Variants in MARCHF8 observed in about 807,000 individuals in gnomAD.
MARCHF8 encodes E3 ubiquitin-protein ligase MARCHF8.
A neutral mutation model predicts 51.6 loss-of-function variants in MARCHF8; 40 were observed. The ratio of observed to expected loss-of-function variants is 0.77; its 90% CI spans 0.60 to 1.01. The LOEUF (loss-of-function observed/expected upper bound fraction) is 1.01, where lower values mean the gene tolerates loss of function less well. Among genes scored for constraint, MARCHF8 ranks in the 50% least tolerant of loss-of-function variants. The pLI is 0.00. For synonymous variants in MARCHF8, 263 were observed against 280.3 expected, an observed-to-expected ratio of 0.94 and a Z score of 0.62; for missense variants, 685 against 708.6, an observed-to-expected ratio of 0.97 and a Z score of 0.38.
chr10:45,501,884 A>G (rs2043286687), intron 2 of MARCHF8, among the ~76,000 whole-genome samples: 1 of 152,184 alleles, frequency 6.6e-6, no homozygotes, highest in South Asian at 2.1e-4. Context: ...ACATGAGAAG[A>G]TGTTCAACAT....
chr10:45,528,959 G>GA (rs1394526542), intron 2 of MARCHF8, among the ~76,000 whole-genome samples: 1 of 152,062 alleles, frequency 6.6e-6, no homozygotes, highest in Non-Finnish European at 1.5e-5. Flanking sequence ...CACAATATTA[G>GA]AAAAAACAAT....
intron 1 of MARCHF8, among the ~76,000 whole-genome samples, chr10:45,569,294 G>C (rs1187309374): frequency 6.6e-6 from 1 of 151,914 alleles, no homozygotes; most frequent in Non-Finnish European, 1.5e-5. Flanking sequence ...AGTTTTTTGA[G>C]GGTTTTTCAA....
chr10:45,492,844 G>GAAC (rs1209274852), intron 2 of MARCHF8, among the ~76,000 whole-genome samples: 1 of 152,182 alleles, frequency 6.6e-6, no homozygotes, highest in Admixed American at 6.5e-5. Context: ...CTTGGGACCA[G>GAAC]AACTGTTTCA....
intron 1 of MARCHF8, among the ~76,000 whole-genome samples, chr10:45,568,990 G>A (rs926094804): frequency 1.1e-4 from 16 of 149,170 alleles, no homozygotes; most frequent in Admixed American, 4.0e-4. Flanking sequence ...GCATGAACCC[G>A]GGAGGCGGAG....
chr10:45,472,197 T>C (rs2042704961), intron 3 of MARCHF8, among the ~76,000 whole-genome samples: 1 of 152,124 alleles, frequency 6.6e-6, no homozygotes, highest in Non-Finnish European at 1.5e-5. Context: ...CCCAGCATGA[T>C]GGCCCCTCCT....
intron 3 of MARCHF8, among the ~76,000 whole-genome samples, chr10:45,478,883 G>A (rs769718228): frequency 1.9e-4 from 28 of 151,316 alleles, no homozygotes; most frequent in South Asian, 2.1e-4. Flanking sequence ...TCCTAACAAC[G>A]AAAGGTCCAG....
In MARCHF8 at chr10:45,464,342, C is replaced by T; in HGVS notation, c.154-15G>A. On this transcript the variant is annotated splice_polypyrimidine_tract_variant and intron_variant, in intron 3 of 7. Coordinates refer to ENST00000453424, the MANE Select transcript of MARCHF8 (RefSeq NM_001282866.2). Reference sequence around the variant, plus strand: ...GGACTCCCAGCCTGCAATGACAGACCTGTGGTCAGTGTTCAGGTAAGAGCC... The same window carrying T: ...GGACTCCCAGCCTGCAATGACAGACTTGTGGTCAGTGTTCAGGTAAGAGCC... 1.2e-6 allele frequency: 2 copies of T among 1,612,756 alleles called. No homozygotes were observed. Among genetic ancestry groups the T allele is most frequent in the Non-Finnish European group, 1.7e-6 (2 of 1,178,770 alleles).
In MARCHF8 at chr10:45,464,268, A is replaced by T; in HGVS notation, c.213T>A (p.Ser71=). ...AGATGTCCTGGCTGGATGGCGTGATAGAAGTGCGAGAGAAGGAGGACACCG... is the reference window on the plus strand; with the variant it reads ...AGATGTCCTGGCTGGATGGCGTGATTGAAGTGCGAGAGAAGGAGGACACCG... The part of the protein sequence containing the change: ...PAPVSSFSRT[S]ITPSSQDICS... The change falls in exon 4 of 8, where the codon TCT becomes TCA. Residue 71 remains serine (S), a synonymous_variant. Transcript: ENST00000453424. 6.2e-7 allele frequency: 1 copy of T among 1,614,216 alleles called. No individual in the cohort carries two copies. The highest frequency in any genetic ancestry group is 8.5e-7 in the Non-Finnish European group (1 of 1,180,034).
intron 3 of MARCHF8, among the ~76,000 whole-genome samples, chr10:45,485,516 G>GCA (rs1186302678): frequency 6.6e-6 from 1 of 152,108 alleles, no homozygotes; most frequent in Non-Finnish European, 1.5e-5. Flanking sequence ...TGCCCACTTT[G>GCA]AAGAGAGGCA....
chr10:45,475,037 A>G (rs2042761537), intron 3 of MARCHF8, among the ~76,000 whole-genome samples: 2 of 152,226 alleles, frequency 1.3e-5, no homozygotes, highest in African/African-American at 4.8e-5. Context: ...CCCAGTCCTC[A>G]GGAGACTGCA....
intron 2 of MARCHF8, among the ~76,000 whole-genome samples, chr10:45,502,202 C>T (rs982948025): frequency 6.6e-6 from 1 of 152,132 alleles, no homozygotes; most frequent in African/African-American, 2.4e-5. Context: ...AAACAAATGT[C>T]CTTCAACAGG....
chr10:45,563,275 C>G (rs1239211266), intron 1 of MARCHF8, among the ~76,000 whole-genome samples: 1 of 152,160 alleles, frequency 6.6e-6, no homozygotes, highest in African/African-American at 2.4e-5. Flanking sequence ...AATCCTCCTG[C>G]CTCGGCCTCC....
At chr10:45,586,739 T>C (rs1335725515) in intron 1 of MARCHF8, among the ~76,000 whole-genome samples, 2 of 152,104 alleles carry the variant, frequency 1.3e-5, no homozygotes, top group African/African-American at 4.8e-5. Context: ...TCTACTAGAA[T>C]TTCAAATACC....
At chr10:45,476,892 T>G (rs1160528546) in intron 3 of MARCHF8, among the ~76,000 whole-genome samples, 1 of 152,162 alleles carries the variant, frequency 6.6e-6, no homozygotes, top group African/African-American at 2.4e-5. Context: ...ATTCAAATTT[T>G]CAGTGTCTCA....
intron 1 of MARCHF8, among the ~76,000 whole-genome samples, chr10:45,546,697 A>G (rs2044127366): frequency 6.6e-6 from 1 of 151,692 alleles, no homozygotes; most frequent in Non-Finnish European, 1.5e-5. Context: ...TGGGAGGATC[A>G]CTTGAGCCCA....
chr10:45,534,341 G>C (rs933580613), intron 1 of MARCHF8, among the ~76,000 whole-genome samples: 1 of 152,146 alleles, frequency 6.6e-6, no homozygotes, highest in Admixed American at 6.5e-5. Flanking sequence ...TAGGGAATAT[G>C]AAGGGTCACC....
rs116123693 is a variant in MARCHF8 at position 45,493,842 on chromosome 10, C to T, written c.103-4425G>A. 6.8e-3 allele frequency among the ~76,000 whole-genome samples: 1,035 copies of T among 152,240 alleles called. 10 individuals carry two copies. Among genetic ancestry groups the T allele is most frequent in the African/African-American group, 0.024 (986 of 41,538 alleles). Reference sequence around the variant, plus strand: ...CAGGCTGGAGGACAGTAGCTATTCACGAGTACCATCATGTCATACTACAGT... The same window carrying T: ...CAGGCTGGAGGACAGTAGCTATTCATGAGTACCATCATGTCATACTACAGT... On this transcript the variant is annotated intron_variant, in intron 2 of 7. Coordinates refer to ENST00000453424, the MANE Select transcript of MARCHF8 (RefSeq NM_001282866.2).
At chr10:45,517,931 T>C (rs1008008956) in intron 2 of MARCHF8, among the ~76,000 whole-genome samples, 55 of 152,244 alleles carry the variant, frequency 3.6e-4, no homozygotes, top group African/African-American at 1.1e-3. Flanking sequence ...CTAGGCACTA[T>C]TAATTGTAAG....
At chr10:45,500,183 G>T (rs1305395643) in intron 2 of MARCHF8, among the ~76,000 whole-genome samples, 2 of 151,850 alleles carry the variant, frequency 1.3e-5, no homozygotes, top group Non-Finnish European at 2.9e-5. Context: ...ATGCATTTTT[G>T]ATGCCATTGT....
Sources: allele counts gnomAD v4.1 joint callset (sites outside exome capture counted in the v4.1 genomes callset), GRCh38; gene constraint gnomAD v4.1.1; transcripts MANE v1.5; gene names NCBI Gene and HGNC (gene_info 2026-07-23, HGNC 2026-07-21).